The following CCDC61 variants were observed in gnomAD, a reference collection of about 807,000 sequenced individuals.
CCDC61 encodes coiled-coil domain containing 61.
A neutral mutation model predicts 63.0 loss-of-function variants in CCDC61; 55 were observed. That is an observed-to-expected ratio of 0.87 (90% CI 0.70 to 1.09). The LOEUF (loss-of-function observed/expected upper bound fraction) is 1.09. Ranked by LOEUF, CCDC61 falls within the 50% of genes least tolerant of loss-of-function variation. The probability of loss-of-function intolerance (pLI) is 0.00; values close to 1 mark genes in which losing one functional copy is unlikely to be tolerated. For synonymous variants in CCDC61, 270 were observed against 317.0 expected (o/e 0.85, Z 1.58); for missense variants, 651 against 731.4 (o/e 0.89, Z 1.27).
chr19:46,011,112 C>T (rs891584089), intron 5 of CCDC61, among the ~76,000 whole-genome samples: 13 of 149,940 alleles, frequency 8.7e-5, no homozygotes, highest in South Asian at 2.1e-4. Context: ...TGTGGTGGTA[C>T]GATCTTGGCT....
chr19:46,005,210 A>G (rs1159153146), intron 3 of CCDC61, among the ~76,000 whole-genome samples: 1 of 151,706 alleles, frequency 6.6e-6, no homozygotes, highest in Non-Finnish European at 1.5e-5. Flanking sequence ...GGGTTTTGCC[A>G]TCTTGGCCAG....
chr19:46,004,301 T>C (rs1034629521), intron 3 of CCDC61, among the ~76,000 whole-genome samples: 1 of 152,212 alleles, frequency 6.6e-6, no homozygotes, highest in Admixed American at 6.5e-5. Flanking sequence ...TCAGTGAATA[T>C]AGCCATTCAT....
In CCDC61 at chr19:46,015,528, G is replaced by T. The variant is rs976181421; in HGVS notation, c.845+101G>T. 19 of 804,568 alleles carry T rather than the reference G, an allele frequency of 2.4e-5. No homozygotes were observed. Among genetic ancestry groups the T allele is most frequent in the Non-Finnish European group, 1.1e-5 (6 of 540,096 alleles). 49.8% of individuals were successfully genotyped at this position (804,568 alleles called of 1,614,324 possible). On this transcript the variant is annotated intron_variant, in intron 7 of 13. Transcript: ENST00000595358. The surrounding 1 kb of genome is among the most constrained non-coding windows in gnomAD (Gnocchi z 5.3). ...AAGGGGGCGGGGCGGGGCCAGGTAG[G>T]GTGGAGGGGGCGGGGCTGAAGGGGA...
chr19:46,007,441 G>A (rs540557740), intron 4 of CCDC61, among the ~76,000 whole-genome samples: 22 of 152,248 alleles, frequency 1.4e-4, no homozygotes, highest in African/African-American at 5.1e-4. Flanking sequence ...AGGAAGAAGA[G>A]GGACAGGGCT....
rs373150690 is a variant in CCDC61, at chr19:46,017,257, C to T, written c.1321C>T (p.Arg441Cys). The T allele has an allele frequency of 1.1e-5, 17 of 1,564,414 alleles. No individual in the cohort carries two copies. In the African/African-American group the frequency reaches 1.5e-4, roughly 14 times the overall value. ...ACTCCTTTTTCTCAGGGGTCACCGC[C>T]GCCGTGGGAAGCCTCCCAGCCCAAC... ...SESLSRGGHR[R>C]RGKPPSPTPW... is the part of the protein sequence containing the mutation. The change falls in exon 12 of 14, where the codon CGC (arginine) becomes TGC (cysteine). Residue 441 changes from arginine (R) to cysteine (C), a missense_variant. Transcript: ENST00000595358.
Position 46,015,442 on chromosome 19 carries a change from T to G in CCDC61, c.845+15T>G. On this transcript the variant is annotated intron_variant, in intron 7 of 13. Transcript: ENST00000595358. This position sits in a 1 kb window ranked among gnomAD's most constrained non-coding sequence, Gnocchi z 5.3. ...TACAAGAGGGGGTGAGAGCGAGGCC[T>G]GCCAGGCGCCTGGGCGGATGGGCGG... 6.7e-7 allele frequency: 1 copy of G among 1,490,932 alleles called. No individual in the cohort carries two copies. Among genetic ancestry groups the G allele is most frequent in the Admixed American group, 1.8e-5 (1 of 56,006 alleles). 92.4% of individuals were successfully genotyped at this position (1,490,932 alleles called of 1,614,324 possible).
chr19:46,015,667 C>G lies in CCDC61; in HGVS notation c.845+240C>G, dbSNP rs972015538. 2.0e-5 allele frequency among the ~76,000 whole-genome samples: 3 copies of G among 152,162 alleles called. No homozygotes were observed. Among genetic ancestry groups the G allele is most frequent in the Middle Eastern group, 3.4e-3 (1 of 294 alleles). ...GGCTTGGGGCGGCGTTCAGGAGGGA[C>G]TGGGAAAGGGATCGTGCCCTAGGGT... On this transcript the variant is annotated intron_variant, in intron 7 of 13. Coordinates refer to ENST00000595358, the MANE Select transcript of CCDC61 (RefSeq NM_001267723.2). The surrounding 1 kb of genome is among the most constrained non-coding windows in gnomAD (Gnocchi z 5.3).
intron 1 of CCDC61, chr19:45,999,898 T>G: frequency 2.9e-6 from 1 of 350,632 alleles, no homozygotes; most frequent in Non-Finnish European, 4.0e-6. Flanking sequence ...GGTGACGTCA[T>G]GGGTTGGTGA....
chr19:46,013,671 A>ATGAGG (rs1968870191), intron 5 of CCDC61, among the ~76,000 whole-genome samples: 1 of 151,904 alleles, frequency 6.6e-6, no homozygotes. Flanking sequence ...GTTTGAGACC[A>ATGAGG]TCTTGGCCAA....
chr19:46,008,297 G>A lies in CCDC61; in HGVS notation c.547G>A (p.Glu183Lys). 1 of 1,524,924 alleles carries A rather than the reference G, an allele frequency of 6.6e-7. No homozygotes were observed. Among genetic ancestry groups the A allele is most frequent in the Non-Finnish European group, 9.0e-7 (1 of 1,117,246 alleles). 94.5% of individuals were successfully genotyped at this position (1,524,924 alleles called of 1,614,324 possible). Residue 183 changes from glutamate (E) to lysine (K), a missense_variant, in exon 5 of 14, where the codon GAG (glutamate) becomes AAG (lysine). Transcript: ENST00000595358. ...GGAGAATGAGATCTGGCATCTGCGG[G>A]AGCAGTGAGTCTTGGAGGGGTGGGC... Reference protein sequence around the residue: ...TRENEIWHLREQVSRLASEKR... With the variant: ...TRENEIWHLRKQVSRLASEKR...
chr19:45,997,102 G>A (rs1379395655), intron 1 of CCDC61, among the ~76,000 whole-genome samples: 1 of 152,054 alleles, frequency 6.6e-6, no homozygotes, highest in African/African-American at 2.4e-5. Flanking sequence ...TGGCCTCCCC[G>A]CTGTCATTTG....
chr19:46,004,835 CTTTTTTTT>C (rs748867869), intron 3 of CCDC61, among the ~76,000 whole-genome samples: 12 of 95,246 alleles, frequency 1.3e-4, no homozygotes, highest in Admixed American at 7.9e-4. Flanking sequence ...ATTTAGATAT[CTTTTTTTT>C]TTTTTTTTTT....
rs1200596683 is a variant in CCDC61, at chr19:46,016,764, A to C, written c.1162A>C (p.Thr388Pro). The change falls in exon 10 of 14, where the codon ACC becomes CCC. Residue 388 changes from threonine to proline, a missense_variant. Coordinates refer to ENST00000595358, the MANE Select transcript of CCDC61 (RefSeq NM_001267723.2). This position sits in a 1 kb window ranked among gnomAD's most constrained non-coding sequence, Gnocchi z 7.2. ...DGPSVSWSRQTQPPAALTGRG... is the reference protein window; with the variant it reads ...DGPSVSWSRQPQPPAALTGRG... ...TCCGTCCGTCTCCTGGTCTCGCCAGACCCAGCCCCCTGCTGCCTTGACTGG... is the reference window on the plus strand; with the variant it reads ...TCCGTCCGTCTCCTGGTCTCGCCAGCCCCAGCCCCCTGCTGCCTTGACTGG... 5 of 1,582,568 alleles carry C rather than the reference A, an allele frequency of 3.2e-6. No homozygotes were observed.
intron 5 of CCDC61, among the ~76,000 whole-genome samples, chr19:46,008,625 T>G (rs1407731549): frequency 6.6e-6 from 1 of 152,160 alleles, no homozygotes; most frequent in East Asian, 1.9e-4. Context: ...GCCAGGCTGA[T>G]CTCAAACTCC....
In CCDC61 at chr19:46,016,126, G is replaced by C. The variant is rs1600654946; in HGVS notation, c.918G>C (p.Ala306=). 2.4e-6 allele frequency: 3 copies of C among 1,241,568 alleles called. No homozygotes were observed. Among genetic ancestry groups the C allele is most frequent in the East Asian group, 3.2e-5 (1 of 31,530 alleles). The allele number at this position is 1,241,568 out of a possible 1,614,324, so 76.9% of individuals were successfully genotyped here. The part of the protein sequence containing the change: ...DRASSSRERS[A]SRGRGAARSS... ...CCTCATCGTCCCGGGAGCGCTCCGC[G>C]TCGCGAGGCCGCGGCGCCGCGCGCT... Residue 306 remains alanine, a synonymous_variant, in exon 8 of 14, where the codon GCG becomes GCC. Coordinates refer to ENST00000595358, the MANE Select transcript of CCDC61 (RefSeq NM_001267723.2). The surrounding 1 kb of genome is among the most constrained non-coding windows in gnomAD (Gnocchi z 7.2).
At chr19:46,006,320 C>A (rs561924000) in intron 3 of CCDC61, among the ~76,000 whole-genome samples, 37 of 152,364 alleles carry the variant, frequency 2.4e-4, no homozygotes, top group African/African-American at 7.0e-4. Flanking sequence ...AGACAGCACT[C>A]AGAGAGTCAC....
At chr19:45,996,694 C>T (rs1183376931) in intron 1 of CCDC61, among the ~76,000 whole-genome samples, 2 of 152,200 alleles carry the variant, frequency 1.3e-5, no homozygotes, top group Non-Finnish European at 2.9e-5. Flanking sequence ...GCCACCGTGC[C>T]TGGCTAGCTT....
Position 46,016,864 on chromosome 19 carries a change from C to A in CCDC61, c.1231+31C>A. 1 of 1,269,154 alleles carries A rather than the reference C, an allele frequency of 7.9e-7. No individual in the cohort carries two copies. Among genetic ancestry groups the A allele is most frequent in the Non-Finnish European group, 1.0e-6 (1 of 970,460 alleles). 78.6% of individuals were successfully genotyped at this position (1,269,154 alleles called of 1,614,324 possible). ...TGGCCTGGAGCTGGGGGCTGCCGGGCTAGGCGGGACTGGGCGGGGCTGGGC... is the reference window on the plus strand; with the variant it reads ...TGGCCTGGAGCTGGGGGCTGCCGGGATAGGCGGGACTGGGCGGGGCTGGGC... On this transcript the variant is annotated intron_variant, in intron 10 of 13. Coordinates refer to ENST00000595358, the MANE Select transcript of CCDC61 (RefSeq NM_001267723.2). The surrounding 1 kb of genome is among the most constrained non-coding windows in gnomAD (Gnocchi z 7.2).
rs377175335 is a variant in CCDC61 at position 46,016,983 on chromosome 19, C to G, written c.1232-8C>G. The G allele has an allele frequency of 1.9e-6, 3 of 1,609,460 alleles. No homozygotes were observed. The African/African-American group carries it at 4.0e-5, about 21-fold the overall frequency. ...GGGCCAGCGGTCACGCCCTCCGTCT[C>G]CCTCTAGTGGACAGTTTCCGCAGCC... On this transcript the variant is annotated splice_region_variant and splice_polypyrimidine_tract_variant and intron_variant, in intron 10 of 13. Coordinates refer to ENST00000595358, the MANE Select transcript of CCDC61 (RefSeq NM_001267723.2). This position sits in a 1 kb window ranked among gnomAD's most constrained non-coding sequence, Gnocchi z 7.2.
Sources: gnomAD v4.1 joint callset for allele counts (sites outside exome capture counted in the v4.1 genomes callset) on GRCh38, gnomAD v4.1.1 for gene constraint, Gnocchi (gnomAD v3.1) non-coding constraint, MANE v1.5 for transcripts, NCBI Gene and HGNC (gene_info 2026-07-23, HGNC 2026-07-21) for gene names.